Variants in MAPK10 observed in about 807,000 individuals in gnomAD.
MAPK10 encodes mitogen-activated protein kinase 10.
MAPK10 carries 25 observed loss-of-function variants against 59.3 expected under a neutral mutation model. The observed-to-expected ratio is 0.42, with a 90% CI of 0.31 to 0.59. The LOEUF is 0.59. MAPK10 is among the 20% of genes least tolerant of loss of function. The pLI, the probability that MAPK10 is intolerant of heterozygous loss-of-function variation, is 0.15. For missense variants in MAPK10, 351 were observed against 568.9 expected, an observed-to-expected ratio of 0.62 and a Z score of 3.90; for synonymous variants, 190 against 200.5, an observed-to-expected ratio of 0.95 and a Z score of 0.44.
chr4:86,413,523 TAG>T (rs1745470731), intron 1 of MAPK10, among the ~76,000 whole-genome samples: 1 of 152,200 alleles, frequency 6.6e-6, no homozygotes, highest in Non-Finnish European at 1.5e-5. Flanking sequence ...AGGTGGAATC[TAG>T]AGAGACAGTA....
chr4:86,266,966 T>C (rs549792197), intron 2 of MAPK10, among the ~76,000 whole-genome samples: 1 of 152,118 alleles, frequency 6.6e-6, no homozygotes, highest in Non-Finnish European at 1.5e-5. Flanking sequence ...GGTATAGATA[T>C]GTATTTATGT....
chr4:86,553,798 T>G (rs533663350), intron 1 of MAPK10, among the ~76,000 whole-genome samples: 8 of 152,316 alleles, frequency 5.3e-5, no homozygotes, highest in African/African-American at 1.9e-4. Flanking sequence ...TGACCTTGTT[T>G]TCCAGGATGT....
intron 1 of MAPK10, among the ~76,000 whole-genome samples, chr4:86,408,092 G>A (rs554063377): frequency 2.8e-3 from 119 of 43,194 alleles, no homozygotes; most frequent in Admixed American, 9.2e-3. Flanking sequence ...GATGTTCCCC[G>A]CCCTGTGTCC....
chr4:86,237,698 G>GT (rs1026348458), intron 2 of MAPK10, among the ~76,000 whole-genome samples: 3 of 151,870 alleles, frequency 2.0e-5, no homozygotes, highest in Middle Eastern at 3.4e-3. Context: ...CTTTTTGATG[G>GT]TTTTTTTATT....
At chr4:86,315,970 C>G (rs752702992) in intron 2 of MAPK10, among the ~76,000 whole-genome samples, 49 of 152,188 alleles carry the variant, frequency 3.2e-4, no homozygotes, top group Non-Finnish European at 6.6e-4. Context: ...TAAGACTCTT[C>G]TCTTCTGTGC....
chr4:86,337,382 A>G (rs1363345147), intron 2 of MAPK10, among the ~76,000 whole-genome samples: 2 of 152,214 alleles, frequency 1.3e-5, no homozygotes, highest in East Asian at 3.9e-4. Context: ...ATATGAGTCA[A>G]TTCAGATTAA....
intron 1 of MAPK10, among the ~76,000 whole-genome samples, chr4:86,369,255 C>T (rs1738385719): frequency 6.6e-6 from 1 of 152,116 alleles, no homozygotes; most frequent in Non-Finnish European, 1.5e-5. Context: ...ATGAGCCAAA[C>T]ATTGTGTAAT....
At chr4:86,583,633 T>C (rs1762459809) in intron 1 of MAPK10, among the ~76,000 whole-genome samples, 2 of 152,206 alleles carry the variant, frequency 1.3e-5, no homozygotes, top group Non-Finnish European at 2.9e-5. Flanking sequence ...GATTGGATAT[T>C]GTTGAGCTAC....
At chr4:86,058,444 A>G (rs1652411884) in intron 11 of MAPK10, among the ~76,000 whole-genome samples, 1 of 149,250 alleles carries the variant, frequency 6.7e-6, no homozygotes, top group South Asian at 2.1e-4. Context: ...GTCTCAGCCA[A>G]TAGGAGGGAG....
At chr4:86,379,155 T>C (rs180791765) in intron 1 of MAPK10, among the ~76,000 whole-genome samples, 36 of 152,316 alleles carry the variant, frequency 2.4e-4, no homozygotes, top group African/African-American at 7.0e-4. Context: ...GTTAAGGATC[T>C]GGAACTTTAT....
intron 2 of MAPK10, among the ~76,000 whole-genome samples, chr4:86,200,088 T>C (rs1269857476): frequency 6.6e-6 from 1 of 152,064 alleles, no homozygotes; most frequent in Admixed American, 6.6e-5. Flanking sequence ...TTTTAACCTG[T>C]GATGTTATTT....
intron 1 of MAPK10, among the ~76,000 whole-genome samples, chr4:86,564,845 G>A (rs1760942493): frequency 6.6e-6 from 1 of 152,090 alleles, no homozygotes; most frequent in Non-Finnish European, 1.5e-5. Context: ...GGAGAGTAAC[G>A]CAATAGAGTA....
chr4:86,051,280 G>T (rs1385469564), intron 11 of MAPK10, among the ~76,000 whole-genome samples: 1 of 151,998 alleles, frequency 6.6e-6, no homozygotes, highest in Non-Finnish European at 1.5e-5. Context: ...CTTGTAAAAA[G>T]GGAGTGTAAC....
intron 2 of MAPK10, among the ~76,000 whole-genome samples, chr4:86,342,805 T>C (rs914995002): frequency 6.6e-6 from 1 of 152,196 alleles, no homozygotes; most frequent in Admixed American, 6.5e-5. Context: ...AGATTTTTAC[T>C]GCCTCTTGTT....
chr4:86,273,319 T>C (rs1417312371), intron 2 of MAPK10, among the ~76,000 whole-genome samples: 1 of 152,046 alleles, frequency 6.6e-6, no homozygotes, highest in Non-Finnish European at 1.5e-5. Context: ...GCCACACCTG[T>C]TAGCTAAATC....
Position 86,093,446 on chromosome 4 carries a change from TAA to T in MAPK10, c.802+5076_802+5077del, listed in dbSNP as rs558006940. On this transcript the variant is annotated intron_variant, in intron 9 of 13. Coordinates refer to ENST00000641462, the MANE Select transcript of MAPK10 (RefSeq NM_138982.4). The stretch of plus-strand genomic sequence containing the variant: ...TTTGTTATAATTTTTATAAAAATTA[TAA>T]GTTATAAAGTTAGCAGTTATAAAAT... 9.8e-4 allele frequency among the ~76,000 whole-genome samples: 149 copies of T among 152,098 alleles called. 1 individual carries two copies. Among genetic ancestry groups the T allele is most frequent in the African/African-American group, 3.3e-3 (139 of 41,572 alleles).
At chr4:86,232,761 C>T (rs996078609) in intron 2 of MAPK10, among the ~76,000 whole-genome samples, 1 of 152,206 alleles carries the variant, frequency 6.6e-6, no homozygotes, top group African/African-American at 2.4e-5. Flanking sequence ...CTTGTAGATC[C>T]TTTAAGAATG....
intron 1 of MAPK10, among the ~76,000 whole-genome samples, chr4:86,580,510 A>G (rs1364388461): frequency 6.6e-6 from 1 of 152,120 alleles, no homozygotes; most frequent in African/African-American, 2.4e-5. Context: ...GAAAAAAAAA[A>G]GTAAATCAGT....
chr4:86,315,240 G>A (rs989663112), intron 2 of MAPK10, among the ~76,000 whole-genome samples: 11 of 152,006 alleles, frequency 7.2e-5, no homozygotes, highest in African/African-American at 2.7e-4. Context: ...TTACCAGAGG[G>A]TGGGAAGATT....
Sources: gnomAD v4.1 joint callset for allele counts (sites outside exome capture counted in the v4.1 genomes callset) on GRCh38, gnomAD v4.1.1 for gene constraint, MANE v1.5 for transcripts, NCBI Gene and HGNC (gene_info 2026-07-23, HGNC 2026-07-21) for gene names.